KATNIP: variants seen among roughly 807,000 people sequenced by gnomAD.
KATNIP encodes katanin-interacting protein.
KATNIP carries 126 observed loss-of-function variants against 174.0 expected under a neutral mutation model. The ratio of observed to expected loss-of-function variants is 0.72; its 90% CI spans 0.63 to 0.84. The LOEUF is 0.84. Ranked by LOEUF, KATNIP falls within the 40% of genes least tolerant of loss-of-function variation. The pLI is 0.00. For missense variants in KATNIP, 1,958 were observed against 2,109.7 expected, an observed-to-expected ratio of 0.93 and a Z score of 1.41; for synonymous variants, 810 against 835.7, an observed-to-expected ratio of 0.97 and a Z score of 0.53.
intron 2 of KATNIP, among the ~76,000 whole-genome samples, chr16:27,618,109 T>C (rs528963541): frequency 2.4e-4 from 37 of 152,140 alleles, no homozygotes; most frequent in Non-Finnish European, 5.0e-4. Flanking sequence ...ATAGTGAGTG[T>C]TGAGAAAACA....
chr16:27,730,515 C>T (rs532864171), intron 14 of KATNIP, among the ~76,000 whole-genome samples: 6 of 152,150 alleles, frequency 3.9e-5, no homozygotes, highest in Admixed American at 6.5e-5. Flanking sequence ...CTGGCTCTTT[C>T]GTGCTTATAC....
rs377123532 is a variant in KATNIP, at chr16:27,750,009, G to A, written c.3049G>A (p.Asp1017Asn). The A allele has an allele frequency of 9.6e-5, 155 of 1,614,032 alleles. No individual in the cohort carries two copies. Among genetic ancestry groups the A allele is most frequent in the African/African-American group, 1.7e-4 (13 of 75,014 alleles). ...TTCAAACATAAAAGCAGACCCTCCC[G>A]ATATCAATATTTTACCAGCCTATGG... ...QISNIKADPP[D>N]INILPAYGKD... The change falls in exon 16 of 28, where the codon GAT becomes AAT. Residue 1017 changes from aspartate to asparagine, a missense_variant. Asp to Asn is a conservative substitution (Grantham distance 23). This residue lies in a region of KATNIP where 1,557 missense variants were observed against 1,617.8 expected (regional missense o/e 0.96). Transcript: ENST00000261588.
rs1342647979 is a variant in KATNIP, at chr16:27,749,715, C to T, written c.2755C>T (p.Leu919Phe). 1 of 1,613,534 alleles carries T rather than the reference C, an allele frequency of 6.2e-7. No individual in the cohort carries two copies. Among genetic ancestry groups the T allele is most frequent in the Admixed American group, 1.7e-5 (1 of 59,920 alleles). ...CCGGGGACGCATCTCCAACACGGAGCTCCCGGGGGACATCCTGGATGAGCT... is the reference window on the plus strand; with the variant it reads ...CCGGGGACGCATCTCCAACACGGAGTTCCCGGGGGACATCCTGGATGAGCT... Reference protein sequence around the residue: ...SHRGRISNTELPGDILDELLQ... With the variant: ...SHRGRISNTEFPGDILDELLQ... Residue 919 changes from leucine to phenylalanine, a missense_variant, in exon 16 of 28, where the codon CTC (leucine) becomes TTC (phenylalanine). Physicochemically the swap from Leu to Phe is conservative, Grantham distance 22. Around this residue, in one of 3 missense-constraint regions of KATNIP, gnomAD observed 1,557 missense variants for 1,617.8 expected, o/e 0.96. Coordinates refer to ENST00000261588, the MANE Select transcript of KATNIP (RefSeq NM_015202.5).
chr16:27,659,512 C>T (rs956125114), intron 6 of KATNIP, among the ~76,000 whole-genome samples: 1 of 82,716 alleles, frequency 1.2e-5, no homozygotes, highest in Non-Finnish European at 2.7e-5. Context: ...CCTGTCTATA[C>T]AAAAAAAAAA....
intron 6 of KATNIP, among the ~76,000 whole-genome samples, chr16:27,653,834 G>A (rs573015545): frequency 9.9e-5 from 15 of 151,970 alleles, no homozygotes; most frequent in African/African-American, 3.4e-4. Flanking sequence ...AATTGTTGGG[G>A]AGTTTTTTGG....
chr16:27,751,043 T>C (rs1237420651), intron 16 of KATNIP, among the ~76,000 whole-genome samples: 1 of 152,062 alleles, frequency 6.6e-6, no homozygotes, highest in East Asian at 1.9e-4. Flanking sequence ...CCCGGTCCAC[T>C]CATCCCCTCT....
rs753071129 is a variant in KATNIP at position 27,648,591 on chromosome 16, C to T, written c.409-13C>T. The T allele has an allele frequency of 3.7e-6, 6 of 1,613,970 alleles. No homozygotes were observed. In the South Asian group the frequency reaches 5.5e-5, roughly 15 times the overall value. On this transcript the variant is annotated splice_polypyrimidine_tract_variant and intron_variant, in intron 5 of 27. Transcript: ENST00000261588. Reference sequence around the variant, plus strand: ...ATTCCACCTTATCTGAAATGGCCTGCATTTTTGTACAGAAATCTGTGCAGA... The same window carrying T: ...ATTCCACCTTATCTGAAATGGCCTGTATTTTTGTACAGAAATCTGTGCAGA...
At chr16:27,555,865 C>T (rs1195307756) in intron 1 of KATNIP, among the ~76,000 whole-genome samples, 4 of 151,560 alleles carry the variant, frequency 2.6e-5, no homozygotes, top group African/African-American at 4.9e-5. Flanking sequence ...TACAGCCAGG[C>T]GCGGTGGCTC....
In KATNIP at chr16:27,769,909, G is replaced by C; in HGVS notation, c.4024G>C (p.Glu1342Gln). 3 of 1,614,256 alleles carry C rather than the reference G, an allele frequency of 1.9e-6. No homozygotes were observed. The highest frequency in any genetic ancestry group is 2.5e-6 in the Non-Finnish European group (3 of 1,180,052). ...GGATGGCCTGTGCGTCTCCCCGCCA[G>C]AGGGCTTTCTCATCCGGAAGGGGCC... ...SLDGLCVSPP[E>Q]GFLIRKGPGN... The change falls in exon 21 of 28, where the codon GAG (glutamate) becomes CAG (glutamine). Residue 1342 changes from glutamate to glutamine, a missense_variant. Glu to Gln is a conservative substitution (Grantham distance 29). Coordinates refer to ENST00000261588, the MANE Select transcript of KATNIP (RefSeq NM_015202.5).
At chr16:27,762,352 A>T (rs998894582) in intron 19 of KATNIP, among the ~76,000 whole-genome samples, 1 of 152,228 alleles carries the variant, frequency 6.6e-6, no homozygotes, top group African/African-American at 2.4e-5. Context: ...TTGAGCACTT[A>T]TTAAATGCCA....
At chr16:27,686,215 C>G (rs2078517953) in intron 8 of KATNIP, among the ~76,000 whole-genome samples, 1 of 152,196 alleles carries the variant, frequency 6.6e-6, no homozygotes, top group African/African-American at 2.4e-5. Flanking sequence ...AAGGCAACAT[C>G]TGGAGGGTGG....
rs1218954314 is a variant in KATNIP, at chr16:27,740,912, C to T, written c.2615C>T (p.Ala872Val). ...GSSSHGDDQP[A>V]SREDTWSSRT... Reference sequence around the variant, plus strand: ...AGTAGTCATGGGGACGACCAGCCAGCCAGCAGAGGTAAGCTCCAAAGAGCA... The same window carrying T: ...AGTAGTCATGGGGACGACCAGCCAGTCAGCAGAGGTAAGCTCCAAAGAGCA... Residue 872 changes from alanine to valine, a missense_variant, in exon 15 of 28, where the codon GCC (alanine) becomes GTC (valine). Ala to Val is a moderately conservative substitution (Grantham distance 64, BLOSUM62 0). This residue lies in a region of KATNIP where 1,557 missense variants were observed against 1,617.8 expected (regional missense o/e 0.96). Transcript: ENST00000261588. 6.3e-7 allele frequency: 1 copy of T among 1,592,562 alleles called. No homozygotes were observed. The highest frequency in any genetic ancestry group is 8.5e-7 in the Non-Finnish European group (1 of 1,169,982).
chr16:27,627,616 A>G (rs182195297), intron 3 of KATNIP, among the ~76,000 whole-genome samples: 28 of 152,364 alleles, frequency 1.8e-4, no homozygotes, highest in Admixed American at 9.8e-4. Flanking sequence ...GACTTTCTAG[A>G]CCGCTCGTAC....
At chr16:27,770,080 A>G in intron 21 of KATNIP, 62 bp downstream of exon 21, 1 of 1,564,658 alleles carries the variant, frequency 6.4e-7, no homozygotes, top group Non-Finnish European at 8.8e-7. Context: ...TTGCTTTGCA[A>G]GTTGCTCTGA....
intron 6 of KATNIP, among the ~76,000 whole-genome samples, chr16:27,650,753 C>G (rs909472893): frequency 6.6e-6 from 1 of 152,128 alleles, no homozygotes; most frequent in African/African-American, 2.4e-5. Context: ...GTAAAATACC[C>G]GAGTATGTTG....
intron 1 of KATNIP, among the ~76,000 whole-genome samples, chr16:27,556,438 A>G (rs2141550947): frequency 2.0e-5 from 3 of 152,352 alleles, no homozygotes; most frequent in Middle Eastern, 6.8e-3. Context: ...TTCATTTTCA[A>G]GGAACATAAT....
intron 9 of KATNIP, among the ~76,000 whole-genome samples, chr16:27,699,102 G>A (rs1388802069): frequency 1.3e-5 from 2 of 152,230 alleles, no homozygotes; most frequent in Non-Finnish European, 2.9e-5. Flanking sequence ...TGGTCTGTGA[G>A]TCGCCTGTTG....
chr16:27,556,761 T>A (rs2089644216), intron 1 of KATNIP, among the ~76,000 whole-genome samples: 1 of 152,150 alleles, frequency 6.6e-6, no homozygotes. Context: ...CTGTTTCTCT[T>A]ACTACTTAAA....
chr16:27,713,333 T>G (rs1597256649), intron 13 of KATNIP, among the ~76,000 whole-genome samples: 2 of 152,158 alleles, frequency 1.3e-5, no homozygotes, highest in South Asian at 4.1e-4. Flanking sequence ...TATTGCACAC[T>G]TACATGTATT....
Sources: gnomAD v4.1 joint callset for allele counts (sites outside exome capture counted in the v4.1 genomes callset) on GRCh38, gnomAD v4.1.1 for gene constraint, gnomAD v4.1.1 regional missense constraint, MANE v1.5 for transcripts, NCBI Gene and HGNC (gene_info 2026-07-23, HGNC 2026-07-21) for gene names.